The following ZFAND3 variants were observed in gnomAD, a reference collection of about 807,000 sequenced individuals.
ZFAND3 encodes zinc finger AN1-type containing 3, also known as AN1-type zinc finger protein 3.
Under a neutral mutation model 29.6 loss-of-function variants are expected in ZFAND3, and 10 were observed. That is an observed-to-expected ratio of 0.34 (90% CI 0.21 to 0.57). ZFAND3 has a LOEUF of 0.57. ZFAND3 is among the 20% of genes least tolerant of loss of function. The pLI, the probability that ZFAND3 is intolerant of heterozygous loss-of-function variation, is 0.86. For missense variants in ZFAND3, 230 were observed against 304.5 expected, an observed-to-expected ratio of 0.76 and a Z score of 1.82; for synonymous variants, 128 against 112.6, an observed-to-expected ratio of 1.14 and a Z score of -0.87.
intron 2 of ZFAND3, among the ~76,000 whole-genome samples, chr6:38,001,124 T>A (rs765380927): frequency 1.0e-3 from 153 of 152,190 alleles, no homozygotes; most frequent in Non-Finnish European, 1.9e-3. Context: ...AGGAGATTTT[T>A]AAAAAATCTT....
chr6:37,983,931 C>T (rs1762622913), intron 2 of ZFAND3, among the ~76,000 whole-genome samples: 1 of 152,132 alleles, frequency 6.6e-6, no homozygotes, highest in Non-Finnish European at 1.5e-5. Flanking sequence ...TGTTCAGCAA[C>T]ACGTGACTTA....
chr6:37,850,453 G>A (rs1764260568), intron 1 of ZFAND3, among the ~76,000 whole-genome samples: 1 of 152,136 alleles, frequency 6.6e-6, no homozygotes, highest in African/African-American at 2.4e-5. Flanking sequence ...CGTCTAATGG[G>A]TAATAGTCAT....
chr6:37,924,344 T>G (rs999047715), intron 1 of ZFAND3, among the ~76,000 whole-genome samples: 1 of 151,256 alleles, frequency 6.6e-6, no homozygotes, highest in African/African-American at 2.4e-5. Context: ...GGTTCAGGCC[T>G]TCAAAAGAGA....
At chr6:37,828,812 G>A (rs1161361171) in intron 1 of ZFAND3, among the ~76,000 whole-genome samples, 2 of 151,874 alleles carry the variant, frequency 1.3e-5, no homozygotes, top group East Asian at 1.9e-4. Context: ...CACCACACCC[G>A]GCTAATTTTT....
chr6:37,820,741 C>A (rs1021154499), intron 1 of ZFAND3, among the ~76,000 whole-genome samples: 1 of 152,210 alleles, frequency 6.6e-6, no homozygotes, highest in Non-Finnish European at 1.5e-5. Context: ...CTCTCAAATT[C>A]TCCTCTTTCT....
chr6:37,835,293 G>A (rs541185270), intron 1 of ZFAND3, among the ~76,000 whole-genome samples: 1 of 152,084 alleles, frequency 6.6e-6, no homozygotes, highest in East Asian at 1.9e-4. Context: ...CATGTAGCTG[G>A]GACCCCAGGT....
chr6:37,821,774 T>G (rs1167562147), intron 1 of ZFAND3, among the ~76,000 whole-genome samples: 2 of 152,250 alleles, frequency 1.3e-5, no homozygotes, highest in Admixed American at 6.5e-5. Context: ...AATGGAATCT[T>G]TATCGAAAGA....
chr6:38,144,218 AATAT>A (rs1394446695), intron 5 of ZFAND3, among the ~76,000 whole-genome samples: 1 of 31,448 alleles, frequency 3.2e-5, no homozygotes, highest in Non-Finnish European at 6.7e-5. Context: ...TATAATATAT[AATAT>A]ATATATATAT....
At chr6:37,854,217 C>T (rs2127380592) in intron 1 of ZFAND3, among the ~76,000 whole-genome samples, 1 of 152,306 alleles carries the variant, frequency 6.6e-6, no homozygotes, top group East Asian at 1.9e-4. Flanking sequence ...TCCCAAAGTG[C>T]TGGGATTACA....
intron 2 of ZFAND3, among the ~76,000 whole-genome samples, chr6:38,011,180 A>G (rs989547464): frequency 6.6e-6 from 1 of 152,140 alleles, no homozygotes; most frequent in Non-Finnish European, 1.5e-5. Context: ...TCCATTGCAT[A>G]AATTTACCAC....
chr6:37,984,348 G>T (rs903352971), intron 2 of ZFAND3, among the ~76,000 whole-genome samples: 4 of 152,156 alleles, frequency 2.6e-5, no homozygotes, highest in African/African-American at 9.7e-5. Context: ...GAGCTTTAAA[G>T]GTAAAACTGT....
chr6:38,031,836 C>T (rs1294932301), intron 2 of ZFAND3, among the ~76,000 whole-genome samples: 1 of 150,788 alleles, frequency 6.6e-6, no homozygotes, highest in African/African-American at 2.4e-5. Flanking sequence ...CTGCCCCTCC[C>T]CCCCCGCCCC....
intron 2 of ZFAND3, among the ~76,000 whole-genome samples, chr6:38,023,469 G>A (rs1763388098): frequency 6.6e-6 from 1 of 152,104 alleles, no homozygotes; most frequent in South Asian, 2.1e-4. Context: ...GCTTGATTTA[G>A]CCATTCCACA....
intron 4 of ZFAND3, among the ~76,000 whole-genome samples, chr6:38,082,931 A>T (rs1435230549): frequency 2.0e-5 from 3 of 152,184 alleles, no homozygotes; most frequent in Non-Finnish European, 4.4e-5. Context: ...ATAGAATCCC[A>T]AAAACATCTT....
intron 1 of ZFAND3, among the ~76,000 whole-genome samples, chr6:37,896,562 CTTTCTTTCTCTCTT>C (rs1765216761): frequency 7.4e-6 from 1 of 135,340 alleles, no homozygotes; most frequent in East Asian, 2.1e-4. Flanking sequence ...TTCTTTCTTT[CTTTCTTTCTCTCTT>C]TCTCTCTCTT....
At chr6:37,900,817 G>A (rs916483827) in intron 1 of ZFAND3, among the ~76,000 whole-genome samples, 1 of 152,092 alleles carries the variant, frequency 6.6e-6, no homozygotes, top group African/African-American at 2.4e-5. Context: ...AAATATGTTG[G>A]CAGGCTAATT....
chr6:37,832,640 C>CTTGCT (rs774079454), intron 1 of ZFAND3, among the ~76,000 whole-genome samples: 26 of 152,218 alleles, frequency 1.7e-4, no homozygotes, highest in East Asian at 1.4e-3. Context: ...AAGACAGTTT[C>CTTGCT]TTGCTTTGCT....
intron 2 of ZFAND3, among the ~76,000 whole-genome samples, chr6:38,027,379 A>G (rs1170376246): frequency 6.6e-6 from 1 of 152,232 alleles, no homozygotes; most frequent in Non-Finnish European, 1.5e-5. Flanking sequence ...AGAACCAAAG[A>G]GCTTTGACTA....
chr6:38,036,600 A>T (rs1763661964), intron 2 of ZFAND3, among the ~76,000 whole-genome samples: 1 of 152,230 alleles, frequency 6.6e-6, no homozygotes, highest in Non-Finnish European at 1.5e-5. Flanking sequence ...AAATTAATGT[A>T]ATTATAAGTA....
Sources: allele counts gnomAD v4.1 joint callset (sites outside exome capture counted in the v4.1 genomes callset), GRCh38; gene constraint gnomAD v4.1.1; transcripts MANE v1.5; gene names NCBI Gene and HGNC (gene_info 2026-07-23, HGNC 2026-07-21).